ASZ1: variants seen among roughly 807,000 people sequenced by gnomAD.
ASZ1 encodes ankyrin repeat, SAM and basic leucine zipper domain-containing protein 1.
A neutral mutation model predicts 61.8 loss-of-function variants in ASZ1; 67 were observed. The ratio of observed to expected loss-of-function variants is 1.08; its 90% CI spans 0.89 to 1.33. ASZ1 has a LOEUF of 1.33. ASZ1 is among the 40% of genes most tolerant of loss of function. The probability of loss-of-function intolerance (pLI) is 0.00; values close to 1 mark genes in which losing one functional copy is unlikely to be tolerated. For missense variants in ASZ1, 577 were observed against 554.5 expected (o/e 1.04, Z -0.41); for synonymous variants, 193 against 192.7 (o/e 1.00, Z -0.01).
chr7:117,412,217 T>C (rs1041115197), intron 4 of ASZ1, among the ~76,000 whole-genome samples: 2 of 151,852 alleles, frequency 1.3e-5, no homozygotes, highest in African/African-American at 4.8e-5. Context: ...CATGATTTAC[T>C]ACTTGGACTT....
At chr7:117,416,542 C>T (rs1351353605) in intron 4 of ASZ1, among the ~76,000 whole-genome samples, 1 of 152,124 alleles carries the variant, frequency 6.6e-6, no homozygotes, top group African/African-American at 2.4e-5. Flanking sequence ...CACAAAAATA[C>T]TCTATAATTC....
At chr7:117,393,047 AC>A (rs1796503218) in intron 4 of ASZ1, among the ~76,000 whole-genome samples, 1 of 151,790 alleles carries the variant, frequency 6.6e-6, no homozygotes, top group African/African-American at 2.4e-5. Flanking sequence ...GGATTTCACC[AC>A]GTTGGCCAGG....
intron 12 of ASZ1, among the ~76,000 whole-genome samples, chr7:117,366,606 AT>A (rs568992902): frequency 9.0e-4 from 137 of 151,624 alleles, no homozygotes; most frequent in Admixed American, 2.8e-3. Context: ...GTTATAGCCA[AT>A]TTTTTTTAAA....
chr7:117,409,433 T>C lies in ASZ1; in HGVS notation c.440+10730A>G, dbSNP rs1796852246. On this transcript the variant is annotated intron_variant, in intron 4 of 12. Coordinates refer to ENST00000284629, the MANE Select transcript of ASZ1 (RefSeq NM_130768.3). ...CCTTTACAGTTTGTCACTGAAAATA[T>C]AAATAAGGTGTCAGAAAAGTCCCTT... 2.0e-5 allele frequency among the ~76,000 whole-genome samples: 3 copies of C among 151,822 alleles called. No individual in the cohort carries two copies. The South Asian group carries it at 6.2e-4, about 31-fold the overall frequency.
rs140546849 is a variant in ASZ1, at chr7:117,403,314, T to C, written c.440+16849A>G. ...TTGCACAGGCCATACAGGGTTGTTGTATGGGCTGTGCACTACTGGCCTTAT... is the reference window on the plus strand; with the variant it reads ...TTGCACAGGCCATACAGGGTTGTTGCATGGGCTGTGCACTACTGGCCTTAT... On this transcript the variant is annotated intron_variant, in intron 4 of 12. Coordinates refer to ENST00000284629, the MANE Select transcript of ASZ1 (RefSeq NM_130768.3). Among the ~76,000 whole-genome samples, 21 of 152,328 alleles carry C rather than the reference T, an allele frequency of 1.4e-4. No homozygotes were observed. The East Asian group carries it at 3.9e-3, about 28-fold the overall frequency.
intron 3 of ASZ1, 92 bp from the exon 4 acceptor site, chr7:117,420,366 C>G: frequency 1.2e-6 from 1 of 823,244 alleles, no homozygotes; most frequent in South Asian, 1.9e-5. Context: ...TTATTGCACT[C>G]TAAAACTCTA....
At chr7:117,402,467 C>T (rs1055633229) in intron 4 of ASZ1, among the ~76,000 whole-genome samples, 4 of 152,160 alleles carry the variant, frequency 2.6e-5, no homozygotes, top group Non-Finnish European at 4.4e-5. Flanking sequence ...CTTCAGCCCC[C>T]TTCCATAGTT....
chr7:117,415,187 C>G (rs1796966806), intron 4 of ASZ1, among the ~76,000 whole-genome samples: 1 of 152,188 alleles, frequency 6.6e-6, no homozygotes, highest in African/African-American at 2.4e-5. Flanking sequence ...GCCATTCTAT[C>G]TGGCATGAGA....
intron 2 of ASZ1, among the ~76,000 whole-genome samples, chr7:117,424,939 C>T (rs921702731): frequency 1.3e-5 from 2 of 152,166 alleles, no homozygotes; most frequent in African/African-American, 4.8e-5. Context: ...AATTCTCCCC[C>T]TTGCCAACAA....
chr7:117,427,057 T>C, intron 1 of ASZ1, 122 bp from the exon 2 acceptor site: 2 of 1,090,288 alleles, frequency 1.8e-6, no homozygotes, highest in Non-Finnish European at 2.6e-6. Context: ...TTGACTAAGA[T>C]ACAAAGTTTG....
chr7:117,394,946 G>C (rs563547173), intron 4 of ASZ1, among the ~76,000 whole-genome samples: 3 of 152,162 alleles, frequency 2.0e-5, no homozygotes, highest in African/African-American at 7.2e-5. Flanking sequence ...AGGAATAAAG[G>C]CCTTTTTAGA....
intron 12 of ASZ1, 30 bp from the exon 13 acceptor site, chr7:117,363,778 G>A (rs759942877): frequency 6.6e-7 from 1 of 1,521,914 alleles, no homozygotes; most frequent in East Asian, 2.3e-5. Flanking sequence ...AAGAAAAGAG[G>A]AGTTACTGTA....
At chr7:117,425,445 T>G (rs986627118) in intron 2 of ASZ1, among the ~76,000 whole-genome samples, 4 of 151,592 alleles carry the variant, frequency 2.6e-5, no homozygotes, top group Admixed American at 6.6e-5. Flanking sequence ...TTTTTTGTGT[T>G]TTTTAGTAGA....
In ASZ1 at chr7:117,368,697, A is replaced by T; in HGVS notation, c.1076T>A (p.Phe359Tyr). Residue 359 changes from phenylalanine (F) to tyrosine (Y), a missense_variant, in exon 11 of 13, where the codon TTT becomes TAT. By Grantham distance (22) the Phe-to-Tyr change is conservative. Transcript: ENST00000284629. ...LEISGDEFLN[F>Y]LLKLNKQCGH... is the part of the protein sequence containing the mutation. Reference sequence around the variant, plus strand: ...ACACTGTTTATTTAATTTGAGAAGAAAGTTGAGGAACTCATCACCACTAAA... The same window carrying T: ...ACACTGTTTATTTAATTTGAGAAGATAGTTGAGGAACTCATCACCACTAAA... The T allele has an allele frequency of 6.2e-7, 1 of 1,612,834 alleles. No homozygotes were observed. The highest frequency in any genetic ancestry group is 8.5e-7 in the Non-Finnish European group (1 of 1,179,396).
At chr7:117,381,985 T>C in intron 8 of ASZ1, 84 bp downstream of exon 8, 2 of 842,544 alleles carry the variant, frequency 2.4e-6, no homozygotes, top group Non-Finnish European at 3.9e-6. Flanking sequence ...TTCATAGACA[T>C]GTTTATGAAT....
intron 4 of ASZ1, among the ~76,000 whole-genome samples, chr7:117,407,443 C>G (rs1796806947): frequency 6.6e-6 from 1 of 151,926 alleles, no homozygotes; most frequent in African/African-American, 2.4e-5. Context: ...GTAGTCCCTG[C>G]TTTATCCATG....
chr7:117,404,405 C>T, intron 4 of ASZ1, among the ~76,000 whole-genome samples: 1 of 139,914 alleles, frequency 7.1e-6, no homozygotes, highest in African/African-American at 2.9e-5. Flanking sequence ...TGATAAGCCC[C>T]TTGACTGTTT....
At chr7:117,374,092 A>T (rs1796095502) in intron 10 of ASZ1, among the ~76,000 whole-genome samples, 1 of 152,104 alleles carries the variant, frequency 6.6e-6, no homozygotes, top group Non-Finnish European at 1.5e-5. Flanking sequence ...AGGAAGAAGA[A>T]TGGAGAAATT....
At chr7:117,419,648 A>T in intron 4 of ASZ1, among the ~76,000 whole-genome samples, 1 of 152,214 alleles carries the variant, frequency 6.6e-6, no homozygotes, top group East Asian at 1.9e-4. Context: ...TTTATTACTG[A>T]CATTTCAAAA....
Sources: allele counts gnomAD v4.1 joint callset (sites outside exome capture counted in the v4.1 genomes callset), GRCh38; gene constraint gnomAD v4.1.1; transcripts MANE v1.5; gene names NCBI Gene and HGNC (gene_info 2026-07-23, HGNC 2026-07-21).